STXBP4: variants seen among roughly 807,000 people sequenced by gnomAD.
The protein encoded by STXBP4 is syntaxin binding protein 4.
STXBP4 carries 55 observed loss-of-function variants against 76.1 expected under a neutral mutation model. That is an observed-to-expected ratio of 0.72 (90% CI 0.58 to 0.91). The LOEUF (loss-of-function observed/expected upper bound fraction) is 0.91. Among genes scored for constraint, STXBP4 ranks in the 40% least tolerant of loss-of-function variants. The probability of loss-of-function intolerance (pLI) is 0.00; values close to 1 mark genes in which losing one functional copy is unlikely to be tolerated. For missense variants in STXBP4, 618 were observed against 636.9 expected, an observed-to-expected ratio of 0.97 and a Z score of 0.32; for synonymous variants, 201 against 220.2, an observed-to-expected ratio of 0.91 and a Z score of 0.77.
chr17:54,984,602 C>A (rs1217736665), intron 1 of STXBP4, among the ~76,000 whole-genome samples: 1 of 152,066 alleles, frequency 6.6e-6, no homozygotes, highest in African/African-American at 2.4e-5. Flanking sequence ...CTCGGCCACC[C>A]AAAGTACTAG....
intron 17 of STXBP4, among the ~76,000 whole-genome samples, chr17:55,156,279 G>A (rs543732737): frequency 2.0e-5 from 3 of 152,042 alleles, no homozygotes; most frequent in Non-Finnish European, 4.4e-5. Flanking sequence ...TCTCTTATCA[G>A]CTGAATTACC....
At chr17:55,111,010 G>A (rs545638723) in intron 16 of STXBP4, among the ~76,000 whole-genome samples, 7 of 152,266 alleles carry the variant, frequency 4.6e-5, no homozygotes, top group Admixed American at 3.9e-4. Flanking sequence ...GGTAAAGAAG[G>A]GGGAGCAGCA....
Position 55,079,413 on chromosome 17 carries a change from T to C in STXBP4, c.1355+678T>C, listed in dbSNP as rs1236946017. Among the ~76,000 whole-genome samples the C allele has an allele frequency of 3.3e-5, 5 of 152,116 alleles. 1 individual carries two copies. In the East Asian group the frequency reaches 9.6e-4, roughly 29 times the overall value. On this transcript the variant is annotated intron_variant, in intron 15 of 17. Transcript: ENST00000376352. ...TTTCTGCTCTCATAATAGCTGCCAC[T>C]AGTCCTAGATACATCTTCTACTTCT...
rs991465831 is a variant in STXBP4 at position 55,069,153 on chromosome 17, CAAAAAA to C, written c.1012-3733_1012-3728del. On this transcript the variant is annotated intron_variant, in intron 12 of 17. Transcript: ENST00000376352. ...GTTGAAGACATTTCCTCAGTGTTGC[CAAAAAA>C]AAAAAAAAAAAAATAAGCTAGAGAT... 6.0e-3 allele frequency among the ~76,000 whole-genome samples: 458 copies of C among 75,820 alleles called. 9 individuals carry two copies. The highest frequency in any genetic ancestry group is 0.057 in the Middle Eastern group (6 of 106). 49.7% of individuals were successfully genotyped at this position (75,820 alleles called of 152,430 possible). A position where few individuals can be genotyped will look rare whatever the true frequency, so the allele number is the denominator to read the frequency against.
chr17:55,123,232 C>T (rs1212629660), intron 16 of STXBP4, among the ~76,000 whole-genome samples: 1 of 152,058 alleles, frequency 6.6e-6, no homozygotes, highest in Non-Finnish European at 1.5e-5. Flanking sequence ...TGTGTGTGTC[C>T]AGTAACTTGT....
At chr17:55,205,379 T>C in the STXBP4 span, among the ~76,000 whole-genome samples, 1 of 152,238 alleles carries the variant, frequency 6.6e-6, no homozygotes, top group South Asian at 2.1e-4. Flanking sequence ...ACAATCATAA[T>C]GTTGAAGTAG....
At chr17:54,970,931 G>A (rs1567864584) in intron 1 of STXBP4, among the ~76,000 whole-genome samples, 1 of 152,158 alleles carries the variant, frequency 6.6e-6, no homozygotes, top group Non-Finnish European at 1.5e-5. Flanking sequence ...ATCTTAGTAT[G>A]ATAATGTGAA....
chr17:54,992,264 A>G (rs956850041), intron 4 of STXBP4, among the ~76,000 whole-genome samples: 21 of 152,034 alleles, frequency 1.4e-4, no homozygotes, highest in African/African-American at 5.1e-4. Context: ...AAATTAAAAA[A>G]AAAATCAGCC....
At chr17:55,113,729 G>A (rs1190364148) in intron 16 of STXBP4, among the ~76,000 whole-genome samples, 1 of 152,094 alleles carries the variant, frequency 6.6e-6, no homozygotes, top group Non-Finnish European at 1.5e-5. Context: ...CCATGGAGAG[G>A]CAATCGTCAT....
chr17:55,096,695 A>G (rs1057418791), intron 16 of STXBP4, among the ~76,000 whole-genome samples: 1 of 151,760 alleles, frequency 6.6e-6, no homozygotes, highest in Non-Finnish European at 1.5e-5. Context: ...TTTAAGCATC[A>G]TGGAGATCTC....
At chr17:55,069,616 A>G (rs997107252) in intron 12 of STXBP4, among the ~76,000 whole-genome samples, 2 of 152,206 alleles carry the variant, frequency 1.3e-5, no homozygotes, top group East Asian at 3.8e-4. Context: ...TAACTGGGCT[A>G]GAACTTTGCT....
chr17:55,004,845 C>T (rs998901942), intron 7 of STXBP4, among the ~76,000 whole-genome samples: 3 of 151,810 alleles, frequency 2.0e-5, no homozygotes, highest in African/African-American at 7.3e-5. Flanking sequence ...GAATAATAAG[C>T]CATACTTAGA....
At chr17:55,064,299 T>C (rs779986043) in intron 12 of STXBP4, among the ~76,000 whole-genome samples, 9 of 152,124 alleles carry the variant, frequency 5.9e-5, no homozygotes, top group Non-Finnish European at 1.3e-4. Flanking sequence ...GCTAGTGGTA[T>C]TCTGCTACCC....
chr17:55,057,027 T>C (rs2078933092), intron 12 of STXBP4, among the ~76,000 whole-genome samples: 2 of 152,194 alleles, frequency 1.3e-5, no homozygotes, highest in South Asian at 4.1e-4. Context: ...CATTATTTTT[T>C]ATTTATATTA....
intron 16 of STXBP4, among the ~76,000 whole-genome samples, chr17:55,113,865 A>G (rs1257153651): frequency 6.6e-6 from 1 of 152,098 alleles, no homozygotes; most frequent in Non-Finnish European, 1.5e-5. Flanking sequence ...GAAGCAGCAT[A>G]TAGTGGCTAA....
chr17:55,192,756 C>A, the STXBP4 span, among the ~76,000 whole-genome samples: 29 of 152,190 alleles, frequency 1.9e-4, no homozygotes, highest in Non-Finnish European at 4.1e-4. Flanking sequence ...GATGAAAATT[C>A]TCAGGCTTAG....
intron 10 of STXBP4, among the ~76,000 whole-genome samples, chr17:55,039,649 A>G (rs1370079012): frequency 6.6e-6 from 1 of 152,014 alleles, no homozygotes; most frequent in African/African-American, 2.4e-5. Flanking sequence ...ATAGATCTAG[A>G]TTACTTACCA....
chr17:55,017,050 G>A (rs972200708), intron 8 of STXBP4, among the ~76,000 whole-genome samples: 1 of 152,188 alleles, frequency 6.6e-6, no homozygotes, highest in Non-Finnish European at 1.5e-5. Context: ...ACCCTTGTTT[G>A]CACTGACAAC....
chr17:55,077,733 C>A (rs2079201335), intron 13 of STXBP4, among the ~76,000 whole-genome samples: 1 of 102,054 alleles, frequency 9.8e-6, no homozygotes, highest in Admixed American at 9.8e-5. Flanking sequence ...GTGTGTGTAT[C>A]CAGCATTTTT....
Sources: allele counts gnomAD v4.1 joint callset (sites outside exome capture counted in the v4.1 genomes callset), GRCh38; gene constraint gnomAD v4.1.1; transcripts MANE v1.5; gene names NCBI Gene and HGNC (gene_info 2026-07-23, HGNC 2026-07-21).